The following CECR2 variants were observed in gnomAD, a reference collection of about 807,000 sequenced individuals.
The protein encoded by CECR2 is chromatin remodeling regulator CECR2.
In CECR2, 30 loss-of-function variants were observed where a neutral mutation model predicts 154.5. That is an observed-to-expected ratio of 0.19 (90% CI 0.15 to 0.26). The LOEUF is 0.26. Ranked by LOEUF, CECR2 falls within the 10% of genes least tolerant of loss-of-function variation. The pLI is 1.00. For synonymous variants in CECR2, 725 were observed against 683.7 expected (o/e 1.06, Z -0.94); for missense variants, 1,743 against 1,829.3 (o/e 0.95, Z 0.86).
Position 17,499,491 on chromosome 22 carries a change from C to A in CECR2, c.487C>A (p.Arg163=). 6.2e-7 allele frequency: 1 copy of A among 1,613,734 alleles called. No homozygotes were observed. Residue 163 remains arginine, a synonymous_variant, in exon 4 of 19, where the codon CGA becomes AGA. Transcript: ENST00000262608. Reference sequence around the variant, plus strand: ...ACTATATTGGTATTTCTATGGAACACGAATGTACAAAGAGGACCCGGTGCA... The same window carrying A: ...ACTATATTGGTATTTCTATGGAACAAGAATGTACAAAGAGGACCCGGTGCA... ...GALYWYFYGT[R]MYKEDPVQGK... is the part of the protein sequence containing the mutation.
chr22:17,527,779 A>G (rs2056289936), intron 9 of CECR2, among the ~76,000 whole-genome samples: 1 of 152,076 alleles, frequency 6.6e-6, no homozygotes, highest in African/African-American at 2.4e-5. Flanking sequence ...CAAAAAAAAA[A>G]AAAAAAAGCA....
At chr22:17,464,849 C>T (rs560622060) in intron 1 of CECR2, among the ~76,000 whole-genome samples, 3 of 152,198 alleles carry the variant, frequency 2.0e-5, no homozygotes, top group African/African-American at 4.8e-5. Flanking sequence ...TTCGAGAGCA[C>T]GTCAGCCTCT....
At chr22:17,362,538 A>AT (rs1347705166) in intron 1 of CECR2, among the ~76,000 whole-genome samples, 1 of 131,318 alleles carries the variant, frequency 7.6e-6, no homozygotes, top group South Asian at 2.8e-4. Context: ...TGAAAAAATA[A>AT]TTTTTTAGTT....
At chr22:17,504,046 C>CTAAATAAATAAATAAA (rs150862438) in intron 6 of CECR2, among the ~76,000 whole-genome samples, 22,574 of 136,276 alleles carry the variant, frequency 0.17, 2,027 homozygotes, top group Middle Eastern at 0.25. Context: ...GACTCTGCCT[C>CTAAATAAATAAATAAA]TAAATAAATA....
Position 17,531,614 on chromosome 22 carries a change from A to G in CECR2, c.1109-5489A>G, listed in dbSNP as rs148892978. On this transcript the variant is annotated intron_variant, in intron 9 of 18. Coordinates refer to ENST00000262608, the MANE Select transcript of CECR2 (RefSeq NM_001290047.2). ...GTATGTGTTCACTGTAAGTTCTAGA[A>G]GGAAAGAATCAGTATAGTAAGGCCA... 2.3e-3 allele frequency among the ~76,000 whole-genome samples: 346 copies of G among 152,340 alleles called. 1 individual carries two copies. The highest frequency in any genetic ancestry group is 7.9e-3 in the African/African-American group (330 of 41,574).
At position 17,541,897 on chromosome 22, in the gene CECR2, A is replaced by G. The variant is rs1299542119; in HGVS notation, c.1943A>G (p.Tyr648Cys). The change falls in exon 15 of 19, where the codon TAT becomes TGT. Residue 648 changes from tyrosine to cysteine, a missense_variant. By Grantham distance (194) the Tyr-to-Cys change is radical. Coordinates refer to ENST00000262608, the MANE Select transcript of CECR2 (RefSeq NM_001290047.2). ...CGAGGATCAGATCCTGCCACCTTGT[A>G]TGGCTCCTCTGGAGTCCCGGAGCCA... is the stretch of plus-strand genomic sequence containing the variant. ...PLRGSDPATL[Y>C]GSSGVPEPHP... is the part of the protein sequence containing the mutation. 1 of 1,613,812 alleles carries G rather than the reference A, an allele frequency of 6.2e-7. No homozygotes were observed. Among genetic ancestry groups the G allele is most frequent in the Admixed American group, 1.7e-5 (1 of 59,984 alleles).
intron 17 of CECR2, among the ~76,000 whole-genome samples, chr22:17,550,754 A>G (rs936124723): frequency 2.6e-5 from 4 of 152,194 alleles, no homozygotes; most frequent in Non-Finnish European, 5.9e-5. Context: ...CATCCTGGCT[A>G]ACACGGTGAA....
chr22:17,423,482 G>C (rs2054287120), intron 1 of CECR2, among the ~76,000 whole-genome samples: 2 of 149,564 alleles, frequency 1.3e-5, no homozygotes, highest in African/African-American at 5.0e-5. Flanking sequence ...ACTCCAGCCT[G>C]GGCGACTGAG....
Position 17,439,206 on chromosome 22 carries a change from G to A in CECR2, c.127-38382G>A, listed in dbSNP as rs1305192973. On this transcript the variant is annotated intron_variant, in intron 1 of 18. Coordinates refer to ENST00000262608, the MANE Select transcript of CECR2 (RefSeq NM_001290047.2). ...TTGGATGTTCCGTATAGCTAGTATT[G>A]GCAATTTTTTTTCTGTAAAGGGTCA... is the stretch of plus-strand genomic sequence containing the variant. Among the ~76,000 whole-genome samples, 11 of 146,322 alleles carry A rather than the reference G, an allele frequency of 7.5e-5. No individual in the cohort carries two copies. In the East Asian group the frequency reaches 2.2e-3, roughly 29 times the overall value.
chr22:17,394,245 G>A (rs910076442), intron 1 of CECR2, among the ~76,000 whole-genome samples: 13 of 126,356 alleles, frequency 1.0e-4, no homozygotes, highest in African/African-American at 2.5e-4. Context: ...TGGTTCTGTC[G>A]TCCAGGCCAA....
chr22:17,413,802 G>A (rs972128629), intron 1 of CECR2, among the ~76,000 whole-genome samples: 3 of 150,020 alleles, frequency 2.0e-5, no homozygotes, highest in African/African-American at 4.9e-5. Flanking sequence ...TCAGCTTCCC[G>A]AGTAGCTGGG....
At chr22:17,424,481 T>C (rs759248489) in intron 1 of CECR2, 43 of 156,590 alleles carry the variant, frequency 2.7e-4, no homozygotes, top group Non-Finnish European at 4.6e-4. Context: ...GGCAAAGCTG[T>C]GTAACAGTGA....
chr22:17,396,461 C>T (rs776455043), intron 1 of CECR2, among the ~76,000 whole-genome samples: 2 of 152,148 alleles, frequency 1.3e-5, no homozygotes, highest in East Asian at 1.9e-4. Context: ...CAGGGAGAAT[C>T]GCTTGAACCC....
chr22:17,367,683 G>A (rs766312904), upstream of CECR2, among the ~76,000 whole-genome samples: 5 of 151,668 alleles, frequency 3.3e-5, no homozygotes, highest in Non-Finnish European at 7.3e-5. Flanking sequence ...CACCGCGCCC[G>A]GCCAACTCAC....
chr22:17,552,774 G>GTT (rs695569), intron 18 of CECR2, 61 bp from the exon 19 acceptor site: 2,198 of 936,116 alleles, frequency 2.3e-3, no homozygotes, highest in Middle Eastern at 3.0e-3. Flanking sequence ...GCTTACTTAA[G>GTT]TTTTTTTTTT....
chr22:17,366,651 C>CTA (rs1322123456), upstream of CECR2, among the ~76,000 whole-genome samples: 2 of 152,058 alleles, frequency 1.3e-5, no homozygotes, highest in Non-Finnish European at 2.9e-5. Context: ...GGAGGTTAGG[C>CTA]TGGAAGTTAG....
rs374889016 is a variant in CECR2, at chr22:17,552,077, C to G, written c.4324C>G (p.Pro1442Ala). ...VQSQASFPKT[P>A]TAATSQEEVP... is the part of the protein sequence containing the mutation. ...GTCGCAGGCCTCGTTCCCAAAGACC[C>G]CCACAGCAGCAACATCACAGGAGGA... is the stretch of plus-strand genomic sequence containing the variant. The change falls in exon 18 of 19, where the codon CCC becomes GCC. Residue 1442 changes from proline (P) to alanine (A), a missense_variant. Physicochemically the swap from Pro to Ala is conservative, Grantham distance 27 (BLOSUM62 -1). Transcript: ENST00000262608. The G allele has an allele frequency of 1.5e-5, 24 of 1,614,012 alleles. No individual in the cohort carries two copies. In the African/African-American group the frequency reaches 2.9e-4, roughly 20 times the overall value.
At chr22:17,393,864 A>C (rs573895534) in intron 1 of CECR2, among the ~76,000 whole-genome samples, 2 of 150,566 alleles carry the variant, frequency 1.3e-5, no homozygotes, top group East Asian at 3.9e-4. Context: ...TTCATTATTG[A>C]GGTGTAAGAG....
intron 1 of CECR2, among the ~76,000 whole-genome samples, chr22:17,453,344 A>G (rs1025680138): frequency 6.6e-5 from 10 of 152,326 alleles, no homozygotes; most frequent in African/African-American, 2.4e-4. Flanking sequence ...CGGGAAGCTG[A>G]GGCAGGAGAA....
Sources: allele counts gnomAD v4.1 joint callset (sites outside exome capture counted in the v4.1 genomes callset), GRCh38; gene constraint gnomAD v4.1.1; transcripts MANE v1.5; gene names NCBI Gene and HGNC (gene_info 2026-07-23, HGNC 2026-07-21).